Variants in C12orf42 observed in about 807,000 individuals in gnomAD.
C12orf42 encodes uncharacterized protein C12orf42.
In C12orf42, 25 loss-of-function variants were observed where a neutral mutation model predicts 21.6. The observed-to-expected ratio is 1.16, with a 90% CI of 0.84 to 1.62. The LOEUF (loss-of-function observed/expected upper bound fraction) is 1.62. Ranked by LOEUF, C12orf42 falls within the 40% of genes most tolerant of loss-of-function variation. The pLI, the probability that C12orf42 is intolerant of heterozygous loss-of-function variation, is 0.00. For synonymous variants in C12orf42, 174 were observed against 175.0 expected, an observed-to-expected ratio of 0.99 and a Z score of 0.05; for missense variants, 483 against 459.3, an observed-to-expected ratio of 1.05 and a Z score of -0.47.
intron 2 of C12orf42, among the ~76,000 whole-genome samples, chr12:103,421,719 A>G (rs186598979): frequency 6.6e-5 from 10 of 152,342 alleles, no homozygotes; most frequent in African/African-American, 2.2e-4. Flanking sequence ...TTCTAAAACA[A>G]CTGTTATGAA....
intron 4 of C12orf42, among the ~76,000 whole-genome samples, chr12:103,354,076 C>T (rs1442039022): frequency 6.6e-6 from 1 of 152,114 alleles, no homozygotes; most frequent in African/African-American, 2.4e-5. Flanking sequence ...TCCATTTCAT[C>T]TCTTCTTATT....
At chr12:103,223,351 G>C in the C12orf42 span, among the ~76,000 whole-genome samples, 1 of 152,034 alleles carries the variant, frequency 6.6e-6, no homozygotes, top group Non-Finnish European at 1.5e-5. Flanking sequence ...AACATTTGTC[G>C]TATAGAATGA....
At chr12:103,252,451 A>G (rs1306418367) in intron 10 of C12orf42, among the ~76,000 whole-genome samples, 1 of 152,136 alleles carries the variant, frequency 6.6e-6, no homozygotes, top group African/African-American at 2.4e-5. Flanking sequence ...CCTCCCCATC[A>G]TCTGTTGTCT....
the C12orf42 span, among the ~76,000 whole-genome samples, chr12:103,192,877 C>T: frequency 2.3e-5 from 3 of 128,322 alleles, no homozygotes; most frequent in South Asian, 2.7e-4. Flanking sequence ...TTAAACTACA[C>T]TGTAGAGCAA....
intron 3 of C12orf42, among the ~76,000 whole-genome samples, chr12:103,370,272 T>C (rs766445058): frequency 6.6e-6 from 1 of 152,182 alleles, no homozygotes; most frequent in Non-Finnish European, 1.5e-5. Context: ...TATACACTGC[T>C]GGTGGGAGTG....
At chr12:103,210,431 G>C in the C12orf42 span, among the ~76,000 whole-genome samples, 684 of 151,938 alleles carry the variant, frequency 4.5e-3, 4 homozygotes, top group African/African-American at 0.016. Flanking sequence ...AGTTAGATAC[G>C]TACATTTTCT....
chr12:103,549,235 G>T, the C12orf42 span, among the ~76,000 whole-genome samples: 1 of 151,958 alleles, frequency 6.6e-6, no homozygotes, highest in South Asian at 2.1e-4. Flanking sequence ...TATTAGGTTG[G>T]GTTGGTTTGG....
chr12:103,224,184 G>T, the C12orf42 span, among the ~76,000 whole-genome samples: 1 of 152,216 alleles, frequency 6.6e-6, no homozygotes, highest in Non-Finnish European at 1.5e-5. Flanking sequence ...AGGTCACGTT[G>T]AGTAAAGCTA....
At chr12:103,440,388 C>T (rs1011910376) in intron 2 of C12orf42, among the ~76,000 whole-genome samples, 36 of 128,314 alleles carry the variant, frequency 2.8e-4, no homozygotes, top group African/African-American at 7.5e-4. Context: ...TGCACATGTA[C>T]GCTAAAACTT....
the C12orf42 span, among the ~76,000 whole-genome samples, chr12:103,204,122 G>C: frequency 6.6e-6 from 1 of 152,124 alleles, no homozygotes; most frequent in African/African-American, 2.4e-5. Flanking sequence ...CCTGGGAGAT[G>C]CACAGGGGAA....
At chr12:103,555,214 G>A in the C12orf42 span, among the ~76,000 whole-genome samples, 1 of 152,174 alleles carries the variant, frequency 6.6e-6, no homozygotes, top group Non-Finnish European at 1.5e-5. Flanking sequence ...GAAAAAAGAG[G>A]TTTAATGGAC....
chr12:103,551,627 G>A, the C12orf42 span, among the ~76,000 whole-genome samples: 1 of 152,152 alleles, frequency 6.6e-6, no homozygotes, highest in Admixed American at 6.5e-5. Flanking sequence ...GACCAGCCTG[G>A]TCAACATGGC....
chr12:103,247,742 T>C (rs2034080543), intron 10 of C12orf42, among the ~76,000 whole-genome samples: 1 of 151,996 alleles, frequency 6.6e-6, no homozygotes, highest in African/African-American at 2.4e-5. Flanking sequence ...TCTGTACATG[T>C]CTCTAGTGGT....
the C12orf42 span, among the ~76,000 whole-genome samples, chr12:103,540,315 T>A: frequency 6.6e-6 from 1 of 152,132 alleles, no homozygotes; most frequent in African/African-American, 2.4e-5. Context: ...CGAGGTCATG[T>A]TTCTCATCTG....
intron 3 of C12orf42, among the ~76,000 whole-genome samples, chr12:103,379,735 A>ATT: frequency 6.6e-6 from 1 of 152,228 alleles, no homozygotes; most frequent in Non-Finnish European, 1.5e-5. Flanking sequence ...CGCATTTCAG[A>ATT]TTTCATTAGC....
At chr12:103,323,670 G>A (rs1484980721) in intron 4 of C12orf42, among the ~76,000 whole-genome samples, 4 of 152,134 alleles carry the variant, frequency 2.6e-5, no homozygotes, top group Admixed American at 1.3e-4. Flanking sequence ...ATGTTCTCTC[G>A]AATATGTAAA....
intron 2 of C12orf42, among the ~76,000 whole-genome samples, chr12:103,437,706 A>G (rs1198433187): frequency 6.6e-6 from 1 of 150,514 alleles, no homozygotes; most frequent in Non-Finnish European, 1.5e-5. Flanking sequence ...CTAAACCAGG[A>G]AGAAGTTGAA....
chr12:103,351,776 T>C (rs1313204078), intron 4 of C12orf42, among the ~76,000 whole-genome samples: 1 of 152,168 alleles, frequency 6.6e-6, no homozygotes, highest in African/African-American at 2.4e-5. Flanking sequence ...ATAAAATAAA[T>C]TTTAACTGGT....
At chr12:103,108,562 AC>A in the C12orf42 span, among the ~76,000 whole-genome samples, 3 of 152,234 alleles carry the variant, frequency 2.0e-5, no homozygotes, top group Non-Finnish European at 4.4e-5. Flanking sequence ...AGAAAATACA[AC>A]CCAGTAATTA....
Sources: allele counts gnomAD v4.1 joint callset (sites outside exome capture counted in the v4.1 genomes callset), GRCh38; gene constraint gnomAD v4.1.1; transcripts MANE v1.5; gene names NCBI Gene and HGNC (gene_info 2026-07-23, HGNC 2026-07-21).